The following WNK2 variants were observed in gnomAD, a reference collection of about 807,000 sequenced individuals.
WNK2 encodes the protein serine/threonine-protein kinase WNK2.
In WNK2, 67 loss-of-function variants were observed where a neutral mutation model predicts 192.1. That is an observed-to-expected ratio of 0.35 (90% CI 0.29 to 0.43). WNK2 has a LOEUF of 0.43. WNK2 is among the 20% of genes least tolerant of loss of function. The pLI, the probability that WNK2 is intolerant of heterozygous loss-of-function variation, is 1.00. For missense variants in WNK2, 2,698 were observed against 3,089.7 expected, an observed-to-expected ratio of 0.87 and a Z score of 3.01; for synonymous variants, 1,439 against 1,393.9, an observed-to-expected ratio of 1.03 and a Z score of -0.72.
In WNK2 at chr9:93,293,014, C is replaced by T; in HGVS notation, c.5549C>T (p.Ala1850Val). The change falls in exon 23 of 30, where the codon GCC becomes GTC. Residue 1850 changes from alanine to valine, a missense_variant. This residue lies in a region of WNK2 where 1,098 missense variants were observed against 1,101.0 expected (regional missense o/e 1.00). Transcript: ENST00000427277. ...GCCTTCCTGCAGAGGCCTTCTCGGG[C>T]CGGCTCGCTGGGCCCCGAGACACCC... The part of the protein sequence containing the change: ...ATAFLQRPSR[A>V]GSLGPETPSR... The T allele has an allele frequency of 1.3e-6, 2 of 1,597,324 alleles. No homozygotes were observed. The highest frequency in any genetic ancestry group is 1.7e-6 in the Non-Finnish European group (2 of 1,172,726).
At chr9:93,248,439 A>C (rs554098742) in intron 8 of WNK2, among the ~76,000 whole-genome samples, 5 of 152,222 alleles carry the variant, frequency 3.3e-5, no homozygotes, top group Non-Finnish European at 7.3e-5. Flanking sequence ...CTGTGGATTT[A>C]GGGCAGGTTC....
Position 93,259,588 on chromosome 9 carries a change from G to C in WNK2, c.3040G>C (p.Ala1014Pro). 1.3e-6 allele frequency: 2 copies of C among 1,592,256 alleles called. No individual in the cohort carries two copies. Among genetic ancestry groups the C allele is most frequent in the Non-Finnish European group, 1.7e-6 (2 of 1,176,608 alleles). Residue 1014 changes from alanine to proline, a missense_variant, in exon 12 of 30, where the codon GCT (alanine) becomes CCT (proline). By Grantham distance (27) the Ala-to-Pro change is conservative. Coordinates refer to ENST00000427277, the MANE Select transcript of WNK2 (RefSeq NM_006648.4). The surrounding 1 kb of genome is among the most constrained non-coding windows in gnomAD (Gnocchi z 4.8). ...CCAGCCCCACCTTCCTGAACAAGCT[G>C]CTCCAGCTGCTACACCAGGGAGCCA... The part of the protein sequence containing the change: ...PLQPHLPEQA[A>P]PAATPGSQIL...
At chr9:93,234,743 A>C in intron 4 of WNK2, 65 bp from the exon 5 acceptor site, 1 of 1,555,226 alleles carries the variant, frequency 6.4e-7, no homozygotes, top group Non-Finnish European at 8.7e-7. Context: ...CTCCCGGGAC[A>C]CTGGCTCCAG....
intron 2 of WNK2, among the ~76,000 whole-genome samples, chr9:93,192,018 C>A (rs571962231): frequency 2.0e-5 from 3 of 149,048 alleles, no homozygotes; most frequent in African/African-American, 7.5e-5. Flanking sequence ...AGCAAGACTC[C>A]GTCTCAAAAA....
rs1165251343 is a variant in WNK2 at position 93,277,034 on chromosome 9, CA to C, written c.4033+8302del. The stretch of plus-strand genomic sequence containing the variant: ...TGGGCGAACGAGCTAGACTCCGTCT[CA>C]AAAAAAAAAAAAATGAGCAACTCAC... On this transcript the variant is annotated intron_variant, in intron 19 of 29. Coordinates refer to ENST00000427277, the MANE Select transcript of WNK2 (RefSeq NM_006648.4). 0.012 allele frequency among the ~76,000 whole-genome samples: 1,431 copies of C among 116,532 alleles called. 39 individuals carry two copies. In the South Asian group the frequency reaches 0.13, roughly 10 times the overall value. 76.4% of individuals were successfully genotyped at this position (116,532 alleles called of 152,430 possible).
intron 2 of WNK2, among the ~76,000 whole-genome samples, chr9:93,204,451 C>G (rs1016527952): frequency 2.6e-5 from 4 of 152,210 alleles, no homozygotes; most frequent in African/African-American, 9.6e-5. Flanking sequence ...GCGGGGCCAG[C>G]CCTCGGGGCT....
At position 93,289,977 on chromosome 9, in the gene WNK2, G is replaced by T; in HGVS notation, c.4867-1G>T. The T allele has an allele frequency of 6.4e-7, 1 of 1,567,524 alleles. No individual in the cohort carries two copies. The highest frequency in any genetic ancestry group is 8.7e-7 in the Non-Finnish European group (1 of 1,155,162). Reference sequence around the variant, plus strand: ...TTCTCTTTTTGTGTTTCTTTCTCCAGGTGGAGAAGTCAGAACTGGCCCCCA... The same window carrying T: ...TTCTCTTTTTGTGTTTCTTTCTCCATGTGGAGAAGTCAGAACTGGCCCCCA... On this transcript the variant is annotated splice_acceptor_variant, in intron 20 of 29. Transcript: ENST00000427277. LOFTEE classifies it high-confidence loss of function.
intron 28 of WNK2, chr9:93,308,814 AG>A: frequency 2.1e-6 from 3 of 1,409,758 alleles, no homozygotes; most frequent in Non-Finnish European, 2.8e-6. Context: ...AGGCCAGGCC[AG>A]GCCAGGCCAG....
chr9:93,308,993 C>T (rs1238386259), intron 28 of WNK2: 3 of 1,023,900 alleles, frequency 2.9e-6, no homozygotes, highest in Non-Finnish European at 3.5e-6. Context: ...CCAAGTGACA[C>T]CAGCGTCTGG....
chr9:93,218,972 G>A (rs949154846), intron 2 of WNK2, among the ~76,000 whole-genome samples: 1 of 152,246 alleles, frequency 6.6e-6, no homozygotes, highest in Non-Finnish European at 1.5e-5. Context: ...GCTGACCTCT[G>A]GCCTTGGAGA....
Position 93,268,696 on chromosome 9 carries a change from A to C in WNK2, c.3983A>C (p.Glu1328Ala), listed in dbSNP as rs549169030. 88 of 1,613,352 alleles carry C rather than the reference A, an allele frequency of 5.5e-5. No individual in the cohort carries two copies. Among genetic ancestry groups the C allele is most frequent in the Non-Finnish European group, 6.7e-5 (79 of 1,179,748 alleles). Reference sequence around the variant, plus strand: ...GAGCACCCCGCCCCCGAGGCCCCTGAATCTTCGCCCCCACTTCCTCTAAGC... The same window carrying C: ...GAGCACCCCGCCCCCGAGGCCCCTGCATCTTCGCCCCCACTTCCTCTAAGC... ...VAEHPAPEAPESSPPLPLSSL... is the reference protein window; with the variant it reads ...VAEHPAPEAPASSPPLPLSSL... The change falls in exon 19 of 30, where the codon GAA (glutamate) becomes GCA (alanine). Residue 1328 changes from glutamate (E) to alanine (A), a missense_variant. Physicochemically the swap from Glu to Ala is moderately radical, Grantham distance 107. This residue lies in a region of WNK2 where 1,098 missense variants were observed against 1,101.0 expected (regional missense o/e 1.00). Transcript: ENST00000427277.
At chr9:93,237,555 TAAAGAG>T (rs1840035292) in intron 5 of WNK2, among the ~76,000 whole-genome samples, 2 of 152,234 alleles carry the variant, frequency 1.3e-5, no homozygotes, top group East Asian at 3.8e-4. Flanking sequence ...TATGTATCTG[TAAAGAG>T]TTTTAACCTG....
chr9:93,309,656 T>C (rs1043195713), intron 28 of WNK2, among the ~76,000 whole-genome samples: 2 of 152,238 alleles, frequency 1.3e-5, no homozygotes, highest in African/African-American at 4.8e-5. Context: ...CTTAGGGGTG[T>C]ACATTTTATT....
chr9:93,268,489 A>G, intron 18 of WNK2, 138 bp from the exon 19 acceptor site: 1 of 1,354,334 alleles, frequency 7.4e-7, no homozygotes, highest in Non-Finnish European at 1.0e-6. Context: ...CTCTGCCCAC[A>G]CCCTTCCTGG....
chr9:93,233,701 CAAAAAA>C (rs34665591), intron 4 of WNK2, among the ~76,000 whole-genome samples: 3 of 100,320 alleles, frequency 3.0e-5, no homozygotes, highest in Non-Finnish European at 5.7e-5. Context: ...GATTCCGTCT[CAAAAAA>C]AAAAAAAAAA....
intron 28 of WNK2, 70 bp downstream of exon 28, chr9:93,308,654 C>T (rs1018041449): frequency 6.8e-7 from 1 of 1,461,938 alleles, no homozygotes. Flanking sequence ...TTGCTAGTGC[C>T]CTGTGTGGCA....
intron 19 of WNK2, among the ~76,000 whole-genome samples, chr9:93,277,338 T>C (rs1847082219): frequency 1.3e-5 from 2 of 152,204 alleles, no homozygotes; most frequent in African/African-American, 4.8e-5. Flanking sequence ...ACTTGCTATA[T>C]GTCATAGCAA....
chr9:93,191,708 G>A (rs924550879), intron 2 of WNK2, among the ~76,000 whole-genome samples: 15 of 152,072 alleles, frequency 9.9e-5, no homozygotes, highest in Admixed American at 2.6e-4. Context: ...GGAGAGCACA[G>A]GATTTACATC....
chr9:93,186,094 C>T (rs1829275761), intron 2 of WNK2, among the ~76,000 whole-genome samples: 1 of 152,072 alleles, frequency 6.6e-6, no homozygotes, highest in Non-Finnish European at 1.5e-5. Context: ...TTCCTGTGTC[C>T]AGCAAGCCGT....
Sources: gnomAD v4.1 joint callset for allele counts (sites outside exome capture counted in the v4.1 genomes callset) on GRCh38, gnomAD v4.1.1 for gene constraint, gnomAD v4.1.1 regional missense constraint, Gnocchi (gnomAD v3.1) non-coding constraint, MANE v1.5 for transcripts, NCBI Gene and HGNC (gene_info 2026-07-23, HGNC 2026-07-21) for gene names.